Variants in DMD observed in about 807,000 individuals in gnomAD.
The protein encoded by DMD is mutant dystrophin.
DMD carries 63 observed loss-of-function variants against 330.1 expected under a neutral mutation model. The observed-to-expected ratio is 0.19, with a 90% CI of 0.16 to 0.24. DMD has a LOEUF of 0.24. DMD is among the 10% of genes least tolerant of loss of function. The pLI is 1.00. For missense variants in DMD, 3,344 were observed against 2,684.1 expected (o/e 1.25, Z -5.43); for synonymous variants, 1,223 against 959.8 (o/e 1.27, Z -5.07).
At chrX:32,140,413 C>T (rs754454345) in intron 44 of DMD, among the ~76,000 whole-genome samples, 1 of 112,166 alleles carries the variant, frequency 8.9e-6, no homozygotes, top group East Asian at 2.8e-4. Context: ...ATCGTCAACA[C>T]TGGGATAAAA....
chrX:31,246,531 T>C (rs1044937907), intron 63 of DMD, among the ~76,000 whole-genome samples: 6 of 112,450 alleles, frequency 5.3e-5, no homozygotes, highest in African/African-American at 1.9e-4. Context: ...CCTTCAAAGC[T>C]TCAATGGACA....
chrX:31,529,569 C>T (rs1304852824), intron 55 of DMD, among the ~76,000 whole-genome samples: 10 of 110,801 alleles, frequency 9.0e-5, no homozygotes, highest in Non-Finnish European at 1.3e-4. Context: ...CTCCAAGTAA[C>T]AAAAGGTCTG....
intron 7 of DMD, among the ~76,000 whole-genome samples, chrX:32,731,729 C>T (rs1040614972): frequency 8.9e-6 from 1 of 112,032 alleles, no homozygotes; most frequent in Non-Finnish European, 1.9e-5. Flanking sequence ...AACTAACAAA[C>T]AGAAAGGACA....
chrX:31,213,145 A>G (rs188251726), intron 64 of DMD, among the ~76,000 whole-genome samples: 2 of 112,650 alleles, frequency 1.8e-5, no homozygotes, highest in East Asian at 5.6e-4. Context: ...TTGCACTTCA[A>G]GAAAGTCAAT....
intron 16 of DMD, among the ~76,000 whole-genome samples, chrX:32,556,348 AC>A (rs2050298531): frequency 9.0e-6 from 1 of 111,213 alleles, no homozygotes; most frequent in Non-Finnish European, 1.9e-5. Flanking sequence ...AAAAGGGAAC[AC>A]TTTTACACTC....
At chrX:31,536,197 G>T (rs1341984124) in intron 55 of DMD, among the ~76,000 whole-genome samples, 2 of 111,333 alleles carry the variant, frequency 1.8e-5, no homozygotes, top group African/African-American at 6.5e-5. Flanking sequence ...TCCTCCACTA[G>T]AATCTCCTCA....
At chrX:31,314,742 C>CACAG (rs1556488350) in intron 62 of DMD, among the ~76,000 whole-genome samples, 22 of 55,283 alleles carry the variant, frequency 4.0e-4, no homozygotes, top group African/African-American at 5.1e-4. Context: ...AATACATACA[C>CACAG]AGAGAGAGAG....
At chrX:31,519,800 A>G (rs1232587820) in intron 55 of DMD, among the ~76,000 whole-genome samples, 3 of 112,002 alleles carry the variant, frequency 2.7e-5, no homozygotes, top group Admixed American at 1.9e-4. Flanking sequence ...AGGTTCTAGT[A>G]CCATGATGTA....
chrX:32,411,701 G>A, intron 30 of DMD, 51 bp downstream of exon 30: 1 of 1,179,831 alleles, frequency 8.5e-7, no homozygotes, highest in East Asian at 3.0e-5. Flanking sequence ...GCAACATTTT[G>A]TTGAAGTAAT....
intron 1 of DMD, among the ~76,000 whole-genome samples, chrX:33,177,490 T>G (rs2049733003): frequency 9.0e-6 from 1 of 111,508 alleles, no homozygotes; most frequent in Non-Finnish European, 1.9e-5. Context: ...GTTCAAGTGG[T>G]TGTCCTGCCT....
chrX:31,514,572 T>G (rs980180564), intron 55 of DMD, among the ~76,000 whole-genome samples: 1 of 112,324 alleles, frequency 8.9e-6, no homozygotes, highest in Non-Finnish European at 1.9e-5. Flanking sequence ...TACTTTGGTT[T>G]CACTAAACAT....
chrX:31,858,504 G>C (rs954168679), intron 48 of DMD, among the ~76,000 whole-genome samples: 1 of 109,266 alleles, frequency 9.2e-6, no homozygotes. Flanking sequence ...AGTTTAAATT[G>C]GTATGAGTTC....
chrX:33,269,929 G>T (rs1240741078), intron 1 of DMD, among the ~76,000 whole-genome samples: 2 of 109,274 alleles, frequency 1.8e-5, no homozygotes, highest in African/African-American at 3.3e-5. Flanking sequence ...AAAATAAAAG[G>T]TCATAATAAA....
In DMD at chrX:32,565,881, C is replaced by G; in HGVS notation, c.1813G>C (p.Val605Leu). 1.7e-6 allele frequency: 2 copies of G among 1,206,398 alleles called. No homozygotes were observed. Among genetic ancestry groups the G allele is most frequent in the South Asian group, 3.5e-5 (2 of 56,722 alleles). The change falls in exon 16 of 79, where the codon GTT becomes CTT. Residue 605 changes from valine (V) to leucine (L), a missense_variant and splice_region_variant. Val to Leu is a conservative substitution (Grantham distance 32, BLOSUM62 1). Transcript: ENST00000357033. ...TTCTTTTCTAGATCCGCTTTTAAAA[C>G]CTGTTAAAACAAGAAAGATCACAGA... ...EMLSSLQKLA[V>L]LKADLEKKKQ...
At chrX:33,158,122 C>T (rs1281384021) in intron 1 of DMD, among the ~76,000 whole-genome samples, 1 of 112,047 alleles carries the variant, frequency 8.9e-6, no homozygotes, top group Admixed American at 9.5e-5. Context: ...ATCTTATGGC[C>T]TCACATAATA....
intron 44 of DMD, among the ~76,000 whole-genome samples, chrX:32,024,170 G>A (rs1279773102): frequency 8.9e-6 from 1 of 112,233 alleles, no homozygotes; most frequent in Non-Finnish European, 1.9e-5. Context: ...TGATGATCAT[G>A]CATGTGTACT....
At chrX:32,505,178 A>T (rs1475056791) in intron 18 of DMD, among the ~76,000 whole-genome samples, 2 of 111,825 alleles carry the variant, frequency 1.8e-5, no homozygotes, top group Admixed American at 1.9e-4. Flanking sequence ...GTTGAATAGT[A>T]CTAAGTTAAA....
intron 52 of DMD, among the ~76,000 whole-genome samples, chrX:31,693,404 G>T (rs2148824074): frequency 9.0e-6 from 1 of 111,538 alleles, no homozygotes. Flanking sequence ...GTTTAACTTA[G>T]TACTGGGAGT....
intron 17 of DMD, among the ~76,000 whole-genome samples, chrX:32,528,191 C>A (rs1439488129): frequency 2.7e-5 from 3 of 110,752 alleles, no homozygotes; most frequent in African/African-American, 9.9e-5. Context: ...CACCTGTAAT[C>A]CCAGCTACTC....
Sources: gnomAD v4.1 joint callset for allele counts (sites outside exome capture counted in the v4.1 genomes callset) on GRCh38, gnomAD v4.1.1 for gene constraint, MANE v1.5 for transcripts, NCBI Gene and HGNC (gene_info 2026-07-23, HGNC 2026-07-21) for gene names.